Variants in KIAA1217 observed in about 807,000 individuals in gnomAD.
KIAA1217 encodes sickle tail protein homolog.
Under a neutral mutation model 163.9 loss-of-function variants are expected in KIAA1217, and 88 were observed. That is an observed-to-expected ratio of 0.54 (90% CI 0.45 to 0.64). The LOEUF (loss-of-function observed/expected upper bound fraction) is 0.64. KIAA1217 is among the 30% of genes least tolerant of loss of function. The probability of loss-of-function intolerance (pLI) is 0.00; values close to 1 mark genes in which losing one functional copy is unlikely to be tolerated. For missense variants in KIAA1217, 2,372 were observed against 2,475.0 expected (o/e 0.96, Z 0.88); for synonymous variants, 903 against 923.1 (o/e 0.98, Z 0.39).
At chr10:24,462,469 G>A (rs778274739) in intron 5 of KIAA1217, among the ~76,000 whole-genome samples, 6 of 152,220 alleles carry the variant, frequency 3.9e-5, no homozygotes, top group Non-Finnish European at 8.8e-5. Context: ...TTGCAGAATA[G>A]CTTGCAGTGT....
chr10:23,801,588 T>C (rs558999677), intron 1 of KIAA1217, among the ~76,000 whole-genome samples: 46 of 152,338 alleles, frequency 3.0e-4, no homozygotes, highest in South Asian at 2.9e-3. Context: ...CTGAACATTT[T>C]TGGAGTAGGG....
intron 2 of KIAA1217, among the ~76,000 whole-genome samples, chr10:24,093,239 C>T (rs2062010515): frequency 6.6e-6 from 1 of 151,624 alleles, no homozygotes; most frequent in Non-Finnish European, 1.5e-5. Flanking sequence ...GGCACCATCT[C>T]GGCTCACTGC....
chr10:23,942,005 C>T (rs1007264380), intron 1 of KIAA1217, among the ~76,000 whole-genome samples: 11 of 152,150 alleles, frequency 7.2e-5, no homozygotes, highest in African/African-American at 2.6e-4. Context: ...ATCTACACCG[C>T]ACAGAGGAAG....
chr10:24,154,523 A>G (rs530334359), intron 2 of KIAA1217, among the ~76,000 whole-genome samples: 2 of 152,308 alleles, frequency 1.3e-5, no homozygotes, highest in South Asian at 4.1e-4. Flanking sequence ...CACTTAGTGC[A>G]TTGTGTGATG....
intron 2 of KIAA1217, among the ~76,000 whole-genome samples, chr10:24,100,555 CTG>C (rs2131715489): frequency 6.6e-6 from 1 of 152,324 alleles, no homozygotes; most frequent in South Asian, 2.1e-4. Flanking sequence ...CTTTCTCACT[CTG>C]TGTCTTATGT....
At chr10:24,390,704 TA>T (rs1482265708) in intron 3 of KIAA1217, among the ~76,000 whole-genome samples, 1 of 152,208 alleles carries the variant, frequency 6.6e-6, no homozygotes, top group Non-Finnish European at 1.5e-5. Context: ...GGTAGTTTTT[TA>T]AAAACCGAGT....
At chr10:23,896,879 G>C (rs1564515652) in intron 1 of KIAA1217, among the ~76,000 whole-genome samples, 1 of 151,998 alleles carries the variant, frequency 6.6e-6, no homozygotes, top group Non-Finnish European at 1.5e-5. Context: ...ATTAAGGGTG[G>C]GTGGTGGTTC....
At chr10:24,036,657 G>T (rs1027240381) in intron 2 of KIAA1217, among the ~76,000 whole-genome samples, 1 of 152,164 alleles carries the variant, frequency 6.6e-6, no homozygotes, top group Non-Finnish European at 1.5e-5. Flanking sequence ...AAGTGACAGG[G>T]CAAGAGAGAG....
chr10:24,309,557 C>T (rs2042442264), intron 2 of KIAA1217, among the ~76,000 whole-genome samples: 1 of 152,196 alleles, frequency 6.6e-6, no homozygotes, highest in Non-Finnish European at 1.5e-5. Context: ...TACCCTTTTA[C>T]ATCCCAGAAC....
chr10:23,929,260 G>C (rs1843152005), intron 1 of KIAA1217, among the ~76,000 whole-genome samples: 1 of 152,146 alleles, frequency 6.6e-6, no homozygotes, highest in Non-Finnish European at 1.5e-5. Context: ...CACAAAGTCT[G>C]CATCAGTTAG....
rs533569752 is a variant in KIAA1217 at position 24,520,007 on chromosome 10, G to C, written c.2178-116G>C. 818 of 1,195,220 alleles carry C rather than the reference G, an allele frequency of 6.8e-4. 2 individuals are homozygous for C. The highest frequency in any genetic ancestry group is 3.6e-3 in the Middle Eastern group (12 of 3,356). The allele number at this position is 1,195,220 out of a possible 1,614,324, so 74.0% of individuals were successfully genotyped here. A position where few individuals can be genotyped will look rare whatever the true frequency, so the allele number is the denominator to read the frequency against. ...TCCACCACCACCACACGAAAGGCAG[G>C]GGGGAGGAGCTGGGGCTCTACACAA... On this transcript the variant is annotated intron_variant, in intron 10 of 20. Transcript: ENST00000376454.
At chr10:24,128,859 T>C (rs1357948155) in intron 2 of KIAA1217, among the ~76,000 whole-genome samples, 1 of 152,242 alleles carries the variant, frequency 6.6e-6, no homozygotes, top group Non-Finnish European at 1.5e-5. Flanking sequence ...AATTCTTAGC[T>C]AAAGTACATT....
At chr10:24,137,330 C>T (rs1252901206) in intron 2 of KIAA1217, among the ~76,000 whole-genome samples, 4 of 152,318 alleles carry the variant, frequency 2.6e-5, no homozygotes, top group Middle Eastern at 3.4e-3. Context: ...TGCAAGTAGG[C>T]ATGCTCTCAC....
At chr10:24,085,455 C>T (rs2061667369) in intron 2 of KIAA1217, among the ~76,000 whole-genome samples, 1 of 152,110 alleles carries the variant, frequency 6.6e-6, no homozygotes, top group African/African-American at 2.4e-5. Context: ...GTCTTGCCTT[C>T]TGGTCTTCAG....
At chr10:24,060,022 G>A (rs1453213275) in intron 2 of KIAA1217, among the ~76,000 whole-genome samples, 1 of 152,114 alleles carries the variant, frequency 6.6e-6, no homozygotes, top group East Asian at 1.9e-4. Flanking sequence ...TCCTGTGGCA[G>A]CAGGTGTAAG....
intron 1 of KIAA1217, among the ~76,000 whole-genome samples, chr10:23,732,318 G>A (rs1838521440): frequency 1.3e-5 from 2 of 151,652 alleles, no homozygotes; most frequent in Admixed American, 1.3e-4. Context: ...CACATCTATG[G>A]ATTCACCAAC....
intron 1 of KIAA1217, among the ~76,000 whole-genome samples, chr10:23,766,031 G>A (rs1387298977): frequency 2.0e-5 from 3 of 152,170 alleles, no homozygotes; most frequent in Non-Finnish European, 4.4e-5. Context: ...TGATTTGCAG[G>A]CAAAACTGTG....
chr10:24,065,028 CTCT>C (rs2060883466), intron 2 of KIAA1217, among the ~76,000 whole-genome samples: 1 of 152,136 alleles, frequency 6.6e-6, no homozygotes, highest in South Asian at 2.1e-4. Context: ...TGATTCTTCT[CTCT>C]TTTCTTCTTT....
intron 2 of KIAA1217, among the ~76,000 whole-genome samples, chr10:24,307,105 A>G (rs1447698970): frequency 6.6e-6 from 1 of 152,182 alleles, no homozygotes; most frequent in Non-Finnish European, 1.5e-5. Context: ...CCATCACAGA[A>G]GGTTCCTTGA....
Sources: allele counts gnomAD v4.1 joint callset (sites outside exome capture counted in the v4.1 genomes callset), GRCh38; gene constraint gnomAD v4.1.1; transcripts MANE v1.5; gene names NCBI Gene and HGNC (gene_info 2026-07-23, HGNC 2026-07-21).